Variants in SORCS2 observed in about 807,000 individuals in gnomAD.
SORCS2 encodes the protein sortilin related VPS10 domain containing receptor 2.
In SORCS2, 100 loss-of-function variants were observed where a neutral mutation model predicts 141.6. That is an observed-to-expected ratio of 0.71 (90% confidence interval 0.60 to 0.83). SORCS2 has a LOEUF of 0.83. Ranked by LOEUF, SORCS2 falls within the 40% of genes least tolerant of loss-of-function variation. SORCS2 has a pLI of 0.00. For synonymous variants in SORCS2, 789 were observed against 676.9 expected (o/e 1.17, Z -2.57); for missense variants, 1,646 against 1,560.2 (o/e 1.05, Z -0.93).
intron 1 of SORCS2, among the ~76,000 whole-genome samples, chr4:7,390,170 G>T (rs1390997400): frequency 6.6e-6 from 1 of 152,264 alleles, no homozygotes; most frequent in Admixed American, 6.5e-5. Context: ...TTTCAATGGG[G>T]TATTGATTTT....
chr4:7,228,967 G>T (rs939195750), intron 1 of SORCS2, among the ~76,000 whole-genome samples: 1 of 152,218 alleles, frequency 6.6e-6, no homozygotes, highest in South Asian at 2.1e-4. Flanking sequence ...TGGCCAGGCC[G>T]TCCCGTCCCT....
At chr4:7,667,270 T>A in intron 8 of SORCS2, 57 bp downstream of exon 8, 1 of 1,513,332 alleles carries the variant, frequency 6.6e-7, no homozygotes. Context: ...TTATCCTGAC[T>A]CATGGGGCAA....
chr4:7,708,119 T>C (rs1450699131), intron 14 of SORCS2, among the ~76,000 whole-genome samples: 1 of 152,216 alleles, frequency 6.6e-6, no homozygotes, highest in Non-Finnish European at 1.5e-5. Context: ...TGGGCTTCCT[T>C]GTCTGTAGCA....
chr4:7,650,415 C>T (rs971343200), intron 4 of SORCS2, among the ~76,000 whole-genome samples: 2 of 152,154 alleles, frequency 1.3e-5, no homozygotes, highest in Admixed American at 6.5e-5. Flanking sequence ...CCTGGATAAT[C>T]CCCAACATCC....
intron 1 of SORCS2, among the ~76,000 whole-genome samples, chr4:7,313,875 G>A (rs1403001948): frequency 2.0e-5 from 3 of 152,160 alleles, no homozygotes; most frequent in African/African-American, 7.2e-5. Flanking sequence ...TATCTCTTCT[G>A]TTCCCTTAGC....
At chr4:7,508,796 C>T (rs1016891264) in intron 2 of SORCS2, among the ~76,000 whole-genome samples, 1 of 152,064 alleles carries the variant, frequency 6.6e-6, no homozygotes, top group Non-Finnish European at 1.5e-5. Context: ...AGAAGAGGCC[C>T]AGAGGACTGA....
At position 7,576,697 on chromosome 4, in the gene SORCS2, C is replaced by T. The variant is rs148770735; in HGVS notation, c.648+45068C>T. On this transcript the variant is annotated intron_variant, in intron 3 of 26. Transcript: ENST00000507866. ...GTGAGGGAGAATGGAATGTGGAAAA[C>T]GAAGCTACTGTGGGCGGGGAGGTTC... Among the ~76,000 whole-genome samples the T allele has an allele frequency of 3.4e-3, 519 of 152,190 alleles. 1 individual carries two copies. Among genetic ancestry groups the T allele is most frequent in the South Asian group, 0.012 (58 of 4,808 alleles).
chr4:7,484,305 A>G (rs1730840117), intron 2 of SORCS2, among the ~76,000 whole-genome samples: 1 of 152,194 alleles, frequency 6.6e-6, no homozygotes, highest in East Asian at 1.9e-4. Context: ...AGGCCACTGT[A>G]TCTGTCACCC....
chr4:7,640,697 G>C (rs1425613572), intron 4 of SORCS2, among the ~76,000 whole-genome samples: 1 of 152,008 alleles, frequency 6.6e-6, no homozygotes, highest in African/African-American at 2.4e-5. Flanking sequence ...AGGTTCTAAG[G>C]ATTAGGACAT....
chr4:7,390,221 A>G (rs3913446), intron 1 of SORCS2, among the ~76,000 whole-genome samples: 50,310 of 151,990 alleles, frequency 0.33, 9,011 homozygotes, highest in East Asian at 0.62. Flanking sequence ...GTCTTTTAGT[A>G]GTAGTATTTG....
chr4:7,372,568 A>C (rs907268619), intron 1 of SORCS2, among the ~76,000 whole-genome samples: 2 of 152,204 alleles, frequency 1.3e-5, no homozygotes, highest in Non-Finnish European at 2.9e-5. Context: ...TGGGCCTCCC[A>C]AAGTGCTGGA....
At chr4:7,722,916 C>CCCCGGTCAGGGGAG (rs1726691671) in intron 18 of SORCS2, among the ~76,000 whole-genome samples, 2 of 152,122 alleles carry the variant, frequency 1.3e-5, no homozygotes, top group African/African-American at 4.8e-5. Flanking sequence ...GAAACGGTTT[C>CCCCGGTCAGGGGAG]CTCGTGCCCC....
chr4:7,244,874 A>T (rs1468347044), intron 1 of SORCS2, among the ~76,000 whole-genome samples: 2 of 152,206 alleles, frequency 1.3e-5, no homozygotes, highest in Non-Finnish European at 2.9e-5. Flanking sequence ...TGTGTGCTTA[A>T]TATGCCAGTC....
intron 1 of SORCS2, among the ~76,000 whole-genome samples, chr4:7,381,743 C>G (rs4367173): frequency 0.19 from 28,630 of 152,164 alleles, 2,849 homozygotes; most frequent in African/African-American, 0.24. Flanking sequence ...GACTCCCGCC[C>G]CCACCCAGCC....
intron 1 of SORCS2, among the ~76,000 whole-genome samples, chr4:7,316,037 A>C (rs984378605): frequency 6.6e-6 from 1 of 150,982 alleles, no homozygotes; most frequent in Non-Finnish European, 1.5e-5. Flanking sequence ...CATCCATCCA[A>C]CCATCCAGCT....
chr4:7,279,728 T>C (rs1305700417), intron 1 of SORCS2, among the ~76,000 whole-genome samples: 1 of 152,218 alleles, frequency 6.6e-6, no homozygotes, highest in East Asian at 1.9e-4. Context: ...AGTCCATTCA[T>C]AGGTCTGCTG....
intron 4 of SORCS2, among the ~76,000 whole-genome samples, chr4:7,641,705 G>A (rs764103564): frequency 6.6e-6 from 1 of 151,824 alleles, no homozygotes; most frequent in Non-Finnish European, 1.5e-5. Flanking sequence ...GGGTGGGTGG[G>A]TGGATGGGTG....
chr4:7,620,978 C>T (rs1719127581), intron 3 of SORCS2, among the ~76,000 whole-genome samples: 2 of 152,142 alleles, frequency 1.3e-5, no homozygotes, highest in Non-Finnish European at 2.9e-5. Context: ...GTTAGCCCAC[C>T]ACCAAGAGGC....
intron 1 of SORCS2, among the ~76,000 whole-genome samples, chr4:7,352,907 T>C (rs942384850): frequency 6.0e-5 from 9 of 151,186 alleles, no homozygotes; most frequent in African/African-American, 1.7e-4. Flanking sequence ...CCACGGTTCC[T>C]TGGAACCTCC....
Sources: gnomAD v4.1 joint callset for allele counts (sites outside exome capture counted in the v4.1 genomes callset) on GRCh38, gnomAD v4.1.1 for gene constraint, MANE v1.5 for transcripts, NCBI Gene and HGNC (gene_info 2026-07-23, HGNC 2026-07-21) for gene names.